The following ARHGAP15 variants were observed in gnomAD, a reference collection of about 807,000 sequenced individuals.
ARHGAP15 encodes the protein Rho GTPase activating protein 15.
In ARHGAP15, 51 loss-of-function variants were observed where a neutral mutation model predicts 63.7. The observed-to-expected ratio is 0.80, with a 90% CI of 0.64 to 1.01. The LOEUF is 1.01. Ranked by LOEUF, ARHGAP15 falls within the 50% of genes least tolerant of loss-of-function variation. The probability of loss-of-function intolerance (pLI) is 0.00; values close to 1 mark genes in which losing one functional copy is unlikely to be tolerated. For synonymous variants in ARHGAP15, 191 were observed against 193.8 expected, an observed-to-expected ratio of 0.99 and a Z score of 0.12; for missense variants, 560 against 564.6, an observed-to-expected ratio of 0.99 and a Z score of 0.08.
intron 6 of ARHGAP15, among the ~76,000 whole-genome samples, chr2:143,295,844 A>AAC (rs1485485276): frequency 6.6e-6 from 1 of 152,000 alleles, no homozygotes; most frequent in Admixed American, 6.6e-5. Context: ...TTATCTAAGG[A>AAC]ACTACGTATG....
intron 8 of ARHGAP15, among the ~76,000 whole-genome samples, chr2:143,448,583 G>T (rs1039102449): frequency 2.6e-5 from 4 of 152,004 alleles, no homozygotes; most frequent in Admixed American, 6.6e-5. Context: ...ATATTGATAG[G>T]TTTTCTTGAC....
intron 10 of ARHGAP15, among the ~76,000 whole-genome samples, chr2:143,537,346 G>A (rs1187315952): frequency 1.3e-5 from 2 of 152,112 alleles, no homozygotes; most frequent in East Asian, 1.9e-4. Context: ...CACTCTGATG[G>A]TGGTTTCTTT....
Position 143,339,483 on chromosome 2 carries a change from T to C in ARHGAP15, c.474+88883T>C, listed in dbSNP as rs1275741449. 2.6e-5 allele frequency among the ~76,000 whole-genome samples: 4 copies of C among 152,208 alleles called. No individual in the cohort carries two copies. In the East Asian group the frequency reaches 7.7e-4, roughly 29 times the overall value. Reference sequence around the variant, plus strand: ...TGGGTAATACTTCTCATCAGAAACATCAAGCAAACCTACAAAAAGAGATGC... The same window carrying C: ...TGGGTAATACTTCTCATCAGAAACACCAAGCAAACCTACAAAAAGAGATGC... On this transcript the variant is annotated intron_variant, in intron 6 of 13. Coordinates refer to ENST00000295095, the MANE Select transcript of ARHGAP15 (RefSeq NM_018460.4).
At chr2:143,324,502 C>T (rs990210099) in intron 6 of ARHGAP15, among the ~76,000 whole-genome samples, 4 of 152,096 alleles carry the variant, frequency 2.6e-5, no homozygotes, top group African/African-American at 9.6e-5. Context: ...TTATTTGCAC[C>T]GTATTTTAGT....
At chr2:143,694,284 AT>A (rs1189884270) in intron 12 of ARHGAP15, among the ~76,000 whole-genome samples, 4 of 152,200 alleles carry the variant, frequency 2.6e-5, no homozygotes, top group Non-Finnish European at 4.4e-5. Flanking sequence ...TGACTATGTG[AT>A]TTATAATGAG....
intron 5 of ARHGAP15, among the ~76,000 whole-genome samples, chr2:143,234,387 T>G (rs932661938): frequency 2.6e-5 from 4 of 152,214 alleles, no homozygotes; most frequent in Non-Finnish European, 5.9e-5. Context: ...TCTTTGACTG[T>G]GTGCTAATCA....
chr2:143,435,582 C>CTTTTTTTTTTTTTTT lies in ARHGAP15; in HGVS notation c.475-5_475-4insTTTTTTTTTTTTTTT, dbSNP rs11438710. 8.1e-7 allele frequency: 1 copy of CTTTTTTTTTTTTTTT among 1,234,794 alleles called. No homozygotes were observed. The allele number at this position is 1,234,794 out of a possible 1,614,324, so 76.5% of individuals were successfully genotyped here. A position where few individuals can be genotyped will look rare whatever the true frequency, so the allele number is the denominator to read the frequency against. ...TTTCTTTACCTGTCTATTTCTTTTT[C>CTTTTTTTTTTTTTTT]TTTTTTTTTTTTTTGCAGATCACAA... On this transcript the variant is annotated intron_variant, in intron 6 of 13. Transcript: ENST00000295095.
chr2:143,229,189 T>TAATA (rs1304960248), intron 5 of ARHGAP15, among the ~76,000 whole-genome samples: 1 of 152,114 alleles, frequency 6.6e-6, no homozygotes, highest in Admixed American at 6.6e-5. Flanking sequence ...TAATAAATAA[T>TAATA]AATAAACTGT....
intron 3 of ARHGAP15, 64 bp downstream of exon 3, chr2:143,202,266 C>A: frequency 2.3e-6 from 3 of 1,278,204 alleles, no homozygotes; most frequent in Non-Finnish European, 3.4e-6. Flanking sequence ...CAAAACTCAG[C>A]AACTTAGAAC....
At chr2:143,732,407 T>C (rs1685575474) in intron 13 of ARHGAP15, among the ~76,000 whole-genome samples, 1 of 152,226 alleles carries the variant, frequency 6.6e-6, no homozygotes, top group Non-Finnish European at 1.5e-5. Flanking sequence ...CTTTTTTATA[T>C]TGAATGCATT....
intron 8 of ARHGAP15, among the ~76,000 whole-genome samples, chr2:143,481,850 CAGA>C (rs1175636046): frequency 6.6e-6 from 1 of 152,134 alleles, no homozygotes; most frequent in African/African-American, 2.4e-5. Flanking sequence ...TTAGAAAGCC[CAGA>C]ATTCTAACTC....
chr2:143,141,744 A>G (rs752634364), intron 1 of ARHGAP15, among the ~76,000 whole-genome samples: 1 of 152,134 alleles, frequency 6.6e-6, no homozygotes, highest in Non-Finnish European at 1.5e-5. Flanking sequence ...TCTGCTCTTC[A>G]TTTGCGATCT....
chr2:143,527,460 G>A (rs79112913), intron 10 of ARHGAP15, among the ~76,000 whole-genome samples: 3,308 of 146,944 alleles, frequency 0.023, 126 homozygotes, highest in African/African-American at 0.077. Context: ...GTTTCAAGTC[G>A]CTTCCTATTT....
intron 10 of ARHGAP15, chr2:143,533,223 TGACAA>T (rs1222299114): frequency 6.6e-6 from 1 of 152,242 alleles, no homozygotes; most frequent in Non-Finnish European, 1.5e-5. Flanking sequence ...TTCATTTTTA[TGACAA>T]GATTTTTTTA....
intron 1 of ARHGAP15, among the ~76,000 whole-genome samples, chr2:143,145,642 C>T (rs1232019213): frequency 1.3e-5 from 2 of 151,980 alleles, no homozygotes; most frequent in East Asian, 3.9e-4. Flanking sequence ...ACTTGTATCC[C>T]CAGTTGCCAA....
chr2:143,463,078 A>AT (rs1372555994), intron 8 of ARHGAP15, among the ~76,000 whole-genome samples: 4 of 151,752 alleles, frequency 2.6e-5, no homozygotes, highest in African/African-American at 7.3e-5. Context: ...TATTTTTGTG[A>AT]TTTTTTTATT....
intron 6 of ARHGAP15, among the ~76,000 whole-genome samples, chr2:143,378,342 TAA>T (rs1686903931): frequency 1.3e-5 from 2 of 152,050 alleles, no homozygotes; most frequent in South Asian, 2.1e-4. Flanking sequence ...CTTTAAGAAA[TAA>T]AGACACTTTT....
intron 11 of ARHGAP15, among the ~76,000 whole-genome samples, chr2:143,576,537 T>C (rs571662384): frequency 6.6e-6 from 1 of 152,118 alleles, no homozygotes. Flanking sequence ...TAAGAAAAAA[T>C]TGACTGTTAT....
intron 6 of ARHGAP15, among the ~76,000 whole-genome samples, chr2:143,413,235 C>T (rs1688521425): frequency 6.6e-6 from 1 of 152,010 alleles, no homozygotes; most frequent in South Asian, 2.1e-4. Flanking sequence ...TTTGCAGGCC[C>T]TTTAGGTTAG....
Sources: gnomAD v4.1 joint callset for allele counts (sites outside exome capture counted in the v4.1 genomes callset) on GRCh38, gnomAD v4.1.1 for gene constraint, MANE v1.5 for transcripts, NCBI Gene and HGNC (gene_info 2026-07-23, HGNC 2026-07-21) for gene names.